The following APOBEC3G variants were observed in gnomAD, a reference collection of about 807,000 sequenced individuals.
APOBEC3G encodes DNA dC->dU-editing enzyme APOBEC-3G.
APOBEC3G carries 44 observed loss-of-function variants against 50.0 expected under a neutral mutation model. The ratio of observed to expected loss-of-function variants is 0.88; its 90% CI spans 0.69 to 1.13. The LOEUF is 1.13. APOBEC3G is among the 50% of genes most tolerant of loss of function. The pLI is 0.00. For missense variants in APOBEC3G, 469 were observed against 492.0 expected (o/e 0.95, Z 0.44); for synonymous variants, 156 against 175.3 (o/e 0.89, Z 0.87).
intron 1 of APOBEC3G, 187 bp from the exon 2 acceptor site, chr22:39,078,745 T>C (rs1928283341): frequency 2.9e-6 from 2 of 689,968 alleles, no homozygotes; most frequent in Non-Finnish European, 4.6e-6. Context: ...GGAATTTCGC[T>C]CTTGTCGCCC....
At chr22:39,078,905 T>A in intron 1 of APOBEC3G, 27 bp from the exon 2 acceptor site, 1 of 1,612,704 alleles carries the variant, frequency 6.2e-7, no homozygotes, top group Non-Finnish European at 8.5e-7. Flanking sequence ...CTCTCTACAT[T>A]GGCTGGTTTC....
chr22:39,080,939 T>C lies in APOBEC3G; in HGVS notation c.178T>C (p.Ser60Pro), dbSNP rs757122997. The stretch of plus-strand genomic sequence containing the variant: ...GACCCTGCTCCTCTCCCAGGTGTAT[T>C]CCGAACTTAAGTACCACCCAGAGAT... ...DAKIFRGQVY[S>P]ELKYHPEMRF... The change falls in exon 3 of 8, where the codon TCC (serine) becomes CCC (proline). Residue 60 changes from serine to proline, a missense_variant. Transcript: ENST00000407997. The C allele has an allele frequency of 2.4e-5, 39 of 1,613,052 alleles. No individual in the cohort carries two copies. The highest frequency in any genetic ancestry group is 2.8e-5 in the Non-Finnish European group (33 of 1,179,394).
At chr22:39,085,542 A>C (rs1314326841) in intron 5 of APOBEC3G, among the ~76,000 whole-genome samples, 1 of 152,230 alleles carries the variant, frequency 6.6e-6, no homozygotes, top group Non-Finnish European at 1.5e-5. Flanking sequence ...CCAAATACTC[A>C]GTATCAGAGA....
intron 5 of APOBEC3G, among the ~76,000 whole-genome samples, chr22:39,085,321 C>T (rs1177266891): frequency 6.6e-6 from 1 of 152,138 alleles, no homozygotes; most frequent in African/African-American, 2.4e-5. Context: ...CAGGGTAAAG[C>T]ACAATGTGGA....
intron 5 of APOBEC3G, among the ~76,000 whole-genome samples, chr22:39,084,928 G>T (rs1322522025): frequency 6.6e-6 from 1 of 152,244 alleles, no homozygotes; most frequent in African/African-American, 2.4e-5. Context: ...TGGAAACGGG[G>T]TTCCTCTGGG....
upstream of APOBEC3G, chr22:39,077,210 A>T: frequency 2.9e-6 from 4 of 1,362,200 alleles, no homozygotes; most frequent in South Asian, 5.1e-5. Flanking sequence ...GGCCTCCTAC[A>T]CCAGCGCCTG....
rs1268489473 is a variant in APOBEC3G at position 39,086,507 on chromosome 22, C to G, written c.964C>G (p.Gln322Glu). ...CATCTATGATGATCAAGGAAGATGTCAGGAGGGGCTGCGCACCCTGGCCGA... is the reference window on the plus strand; with the variant it reads ...CATCTATGATGATCAAGGAAGATGTGAGGAGGGGCTGCGCACCCTGGCCGA... ...ARIYDDQGRCQEGLRTLAEAG... is the reference protein window; with the variant it reads ...ARIYDDQGRCEEGLRTLAEAG... The change falls in exon 6 of 8, where the codon CAG (glutamine) becomes GAG (glutamate). Residue 322 changes from glutamine (Q) to glutamate (E), a missense_variant. Coordinates refer to ENST00000407997, the MANE Select transcript of APOBEC3G (RefSeq NM_021822.4). The G allele has an allele frequency of 6.2e-7, 1 of 1,613,800 alleles. No homozygotes were observed. Among genetic ancestry groups the G allele is most frequent in the Non-Finnish European group, 8.5e-7 (1 of 1,179,864 alleles).
chr22:39,081,362 C>A, intron 3 of APOBEC3G, 109 bp from the exon 4 acceptor site: 1 of 1,525,088 alleles, frequency 6.6e-7, no homozygotes, highest in East Asian at 2.2e-5. Context: ...GGGGTTGGGT[C>A]TGGCGCTGAC....
intron 5 of APOBEC3G, among the ~76,000 whole-genome samples, chr22:39,085,358 G>A (rs1239112388): frequency 6.6e-6 from 1 of 152,132 alleles, no homozygotes; most frequent in African/African-American, 2.4e-5. Flanking sequence ...GGTCACAGAA[G>A]GGGTGGGGCA....
Position 39,087,160 on chromosome 22 carries a change from C to T in APOBEC3G, c.1140+34C>T, listed in dbSNP as rs201660527. On this transcript the variant is annotated intron_variant, in intron 7 of 7. Transcript: ENST00000407997. ...TTCTTCCCTCTGCCCAGTGCCCCAT[C>T]GGCCTCCCCCTCCTCCCCTCTCCCC... 329 of 1,613,542 alleles carry T rather than the reference C, an allele frequency of 2.0e-4. 2 individuals carry two copies. In the African/African-American group the frequency reaches 3.7e-3, roughly 18 times the overall value.
In APOBEC3G at chr22:39,077,330, C is replaced by A. The variant is rs1249381839; in HGVS notation, c.-32C>A. 7 of 1,567,278 alleles carry A rather than the reference C, an allele frequency of 4.5e-6. No homozygotes were observed. Among genetic ancestry groups the A allele is most frequent in the Admixed American group, 1.9e-5 (1 of 52,344 alleles). On this transcript the variant is annotated 5_prime_UTR_variant, in exon 1 of 8. Transcript: ENST00000407997. ...GAAAGTGAAACCCTGGTGCTCCAGACAAAGATCTTAGTCGGGACTAGCCGG... is the reference window on the plus strand; with the variant it reads ...GAAAGTGAAACCCTGGTGCTCCAGAAAAAGATCTTAGTCGGGACTAGCCGG...
At chr22:39,084,254 C>T (rs5757467) in intron 5 of APOBEC3G, among the ~76,000 whole-genome samples, 99,678 of 151,558 alleles carry the variant, frequency 0.66, 32,911 homozygotes, top group East Asian at 0.75. Flanking sequence ...TCCGGCCGGG[C>T]ACGGTGGCTC....
upstream of APOBEC3G, chr22:39,077,216 G>A (rs1271450357): frequency 7.1e-7 from 1 of 1,409,096 alleles, no homozygotes; most frequent in East Asian, 2.5e-5. Flanking sequence ...CTACACCAGC[G>A]CCTGAGCAGG....
upstream of APOBEC3G, chr22:39,077,223 C>T: frequency 6.9e-7 from 1 of 1,452,562 alleles, no homozygotes; most frequent in Non-Finnish European, 9.4e-7. Context: ...AGCGCCTGAG[C>T]AGGAAGCGGG....
intron 2 of APOBEC3G, 56 bp from the exon 3 acceptor site, chr22:39,080,877 C>T: frequency 6.9e-7 from 1 of 1,456,792 alleles, no homozygotes; most frequent in Non-Finnish European, 9.4e-7. Flanking sequence ...TGCCCCACCC[C>T]TGCTCTCCTC....
At chr22:39,080,901 C>A in intron 2 of APOBEC3G, 32 bp from the exon 3 acceptor site, 3 of 1,528,950 alleles carry the variant, frequency 2.0e-6, no homozygotes, top group South Asian at 1.2e-5. Context: ...CTCCCCCTCT[C>A]AGAGCTTGCC....
intron 4 of APOBEC3G, 95 bp downstream of exon 4, chr22:39,081,680 G>C: frequency 9.8e-7 from 1 of 1,016,316 alleles, no homozygotes. Context: ...GTCCTCTCCT[G>C]GCCAGGCCCT....
At chr22:39,083,927 C>T in intron 5 of APOBEC3G, 43 bp downstream of exon 5, 4 of 1,596,132 alleles carry the variant, frequency 2.5e-6, no homozygotes, top group Non-Finnish European at 3.4e-6. Flanking sequence ...GCCCTCCCAA[C>T]CCAGGGACAC....
chr22:39,080,436 T>A (rs1479699354), intron 2 of APOBEC3G: 1 of 174,556 alleles, frequency 5.7e-6, no homozygotes, highest in Admixed American at 5.8e-5. Context: ...CTCTGGGAAG[T>A]CCCCTGTCAA....
Sources: gnomAD v4.1 joint callset for allele counts (sites outside exome capture counted in the v4.1 genomes callset) on GRCh38, gnomAD v4.1.1 for gene constraint, MANE v1.5 for transcripts, NCBI Gene and HGNC (gene_info 2026-07-23, HGNC 2026-07-21) for gene names.